Variants in RPL22 observed in about 807,000 individuals in gnomAD.
RPL22 encodes the protein large ribosomal subunit protein eL22.
RPL22 carries 4 observed loss-of-function variants against 16.2 expected under a neutral mutation model. The observed-to-expected ratio is 0.25, with a 90% CI of 0.12 to 0.57. The LOEUF is 0.57. RPL22 is among the 20% of genes least tolerant of loss of function. The pLI, the probability that RPL22 is intolerant of heterozygous loss-of-function variation, is 0.92. For synonymous variants in RPL22, 43 were observed against 54.8 expected (o/e 0.78, Z 0.95); for missense variants, 83 against 156.1 (o/e 0.53, Z 2.49).
At chr1:6,189,372 G>A (rs1291388691) in intron 3 of RPL22, among the ~76,000 whole-genome samples, 3 of 152,138 alleles carry the variant, frequency 2.0e-5, no homozygotes, top group Admixed American at 6.5e-5. Flanking sequence ...GTATTCAGAT[G>A]AGGTTAATTC....
At position 6,185,257 on chromosome 1, in the gene RPL22, G is replaced by A. The variant is rs1489590888; in HGVS notation, c.*1415C>T. 2.5e-6 allele frequency: 1 copy of A among 398,722 alleles called. No homozygotes were observed. The highest frequency in any genetic ancestry group is 4.4e-6 in the Non-Finnish European group (1 of 226,018). 24.7% of individuals were successfully genotyped at this position (398,722 alleles called of 1,614,324 possible). On this transcript the variant is annotated 3_prime_UTR_variant, in exon 4 of 4. Coordinates refer to ENST00000234875, the MANE Select transcript of RPL22 (RefSeq NM_000983.4). ...AACATCAATGCAACAAGTAGAATTTGTAAACTCAAGCCACAAACTTAGTTA... is the reference window on the plus strand; with the variant it reads ...AACATCAATGCAACAAGTAGAATTTATAAACTCAAGCCACAAACTTAGTTA...
intron 3 of RPL22, among the ~76,000 whole-genome samples, chr1:6,188,085 C>A (rs1296790261): frequency 6.6e-6 from 1 of 152,182 alleles, no homozygotes; most frequent in Admixed American, 6.5e-5. Flanking sequence ...TAGACAGAAT[C>A]TCCTTCTGTG....
intron 1 of RPL22, chr1:6,198,814 T>C (rs976782884): frequency 6.6e-6 from 1 of 152,234 alleles, no homozygotes; most frequent in Admixed American, 6.5e-5. Context: ...ATCAAGGTTT[T>C]AAACCAAAAG....
intron 3 of RPL22, 48 bp from the exon 4 acceptor site, chr1:6,186,864 T>C (rs1557571925): frequency 1.3e-6 from 2 of 1,599,246 alleles, no homozygotes; most frequent in Non-Finnish European, 1.7e-6. Flanking sequence ...GGTGCTTGCA[T>C]TCTAAAACAT....
intron 3 of RPL22, among the ~76,000 whole-genome samples, chr1:6,188,791 C>CTT (rs1476063077): frequency 2.1e-5 from 3 of 145,782 alleles, no homozygotes; most frequent in African/African-American, 8.1e-5. Flanking sequence ...AGATCCCTGG[C>CTT]ATTTTTTTTT....
chr1:6,193,084 G>GT (rs1258302479), intron 2 of RPL22, 30 bp from the exon 3 acceptor site: 1 of 1,611,618 alleles, frequency 6.2e-7, no homozygotes, highest in African/African-American at 1.3e-5. Flanking sequence ...GACCAATGAA[G>GT]TGACAAGTTC....
At chr1:6,198,310 T>C in intron 1 of RPL22, 1 of 153,330 alleles carries the variant, frequency 6.5e-6, no homozygotes, top group Non-Finnish European at 1.5e-5. Flanking sequence ...TAGGTGCCTG[T>C]CCACTCCAGC....
intron 3 of RPL22, among the ~76,000 whole-genome samples, chr1:6,189,160 TGA>T (rs1667617652): frequency 7.7e-6 from 1 of 129,640 alleles, no homozygotes; most frequent in Non-Finnish European, 1.5e-5. Context: ...AGGAGCACTG[TGA>T]CAGTGCTCCA....
chr1:6,197,824 C>A, intron 1 of RPL22, 68 bp from the exon 2 acceptor site: 1 of 1,108,838 alleles, frequency 9.0e-7, no homozygotes, highest in South Asian at 1.3e-5. Flanking sequence ...ATTAACAGAA[C>A]CAGAAACGTC....
chr1:6,193,153 T>C lies in RPL22; in HGVS notation c.118-99A>G, dbSNP rs545486261. 6.5e-4 allele frequency: 947 copies of C among 1,457,422 alleles called. 1 individual carries two copies. The highest frequency in any genetic ancestry group is 1.1e-3 in the Admixed American group (58 of 55,062). 90.3% of individuals were successfully genotyped at this position (1,457,422 alleles called of 1,614,324 possible). On this transcript the variant is annotated intron_variant, in intron 2 of 3. Coordinates refer to ENST00000234875, the MANE Select transcript of RPL22 (RefSeq NM_000983.4). ...AACACTGAACTAATATCATTTTTTGTTTTGGTTTTGGAGACAGAGTCTCAC... is the reference window on the plus strand; with the variant it reads ...AACACTGAACTAATATCATTTTTTGCTTTGGTTTTGGAGACAGAGTCTCAC...
At chr1:6,199,352 C>CG in intron 1 of RPL22, 1 of 1,307,444 alleles carries the variant, frequency 7.6e-7, no homozygotes, top group Non-Finnish European at 9.8e-7. Flanking sequence ...CGAGACCTCC[C>CG]GGATCTCCCT....
At chr1:6,198,061 G>C (rs1667743245) in intron 1 of RPL22, 1 of 315,842 alleles carries the variant, frequency 3.2e-6, no homozygotes, top group South Asian at 9.7e-5. Context: ...AGGTCTCTTA[G>C]TTTATGAACC....
intron 3 of RPL22, among the ~76,000 whole-genome samples, chr1:6,188,310 C>G (rs12057813): frequency 0.27 from 40,593 of 151,990 alleles, 9,498 homozygotes; most frequent in African/African-American, 0.64. Flanking sequence ...GGGATTATAG[C>G]TGTGAGCCAC....
At chr1:6,189,157 C>G (rs142135928) in intron 3 of RPL22, among the ~76,000 whole-genome samples, 2 of 131,616 alleles carry the variant, frequency 1.5e-5, no homozygotes, top group East Asian at 4.5e-4. Context: ...AAAAGGAGCA[C>G]TGTGACAGTG....
In RPL22 at chr1:6,185,516, T is replaced by C. The variant is rs2100899511; in HGVS notation, c.*1156A>G. The C allele has an allele frequency of 2.5e-6, 1 of 396,934 alleles. No homozygotes were observed. Among genetic ancestry groups the C allele is most frequent in the Non-Finnish European group, 4.4e-6 (1 of 225,186 alleles). The allele number at this position is 396,934 out of a possible 1,614,324, so 24.6% of individuals were successfully genotyped here. On this transcript the variant is annotated 3_prime_UTR_variant, in exon 4 of 4. Coordinates refer to ENST00000234875, the MANE Select transcript of RPL22 (RefSeq NM_000983.4). ...TGTTTAATGGGAGCCAAGGTAGGAC[T>C]GAGCATTGAACTTCCAGCTATGCAA...
chr1:6,197,554 C>T, intron 2 of RPL22, 98 bp downstream of exon 2: 1 of 741,688 alleles, frequency 1.3e-6, no homozygotes, highest in Non-Finnish European at 2.4e-6. Flanking sequence ...TGTGAAGCTG[C>T]CTATAAGCCT....
chr1:6,197,508 G>A (rs767097882), intron 2 of RPL22, 144 bp downstream of exon 2: 2 of 617,576 alleles, frequency 3.2e-6, no homozygotes, highest in Admixed American at 2.9e-5. Context: ...CAAGTAATCT[G>A]CCCACATTCC....
chr1:6,193,565 C>A (rs1254379399), intron 2 of RPL22, among the ~76,000 whole-genome samples: 1 of 152,050 alleles, frequency 6.6e-6, no homozygotes, highest in Non-Finnish European at 1.5e-5. Flanking sequence ...TCAGGTGATT[C>A]GTCCACCTCT....
chr1:6,199,415 G>A (rs1023466066), intron 1 of RPL22, 147 bp downstream of exon 1: 4 of 1,391,142 alleles, frequency 2.9e-6, no homozygotes, highest in African/African-American at 1.5e-5. Context: ...GGATCGGCAG[G>A]GGCTCTGGCC....
Sources: gnomAD v4.1 joint callset for allele counts (sites outside exome capture counted in the v4.1 genomes callset) on GRCh38, gnomAD v4.1.1 for gene constraint, MANE v1.5 for transcripts, NCBI Gene and HGNC (gene_info 2026-07-23, HGNC 2026-07-21) for gene names.